Variants in UNC5C observed in about 807,000 individuals in gnomAD.
The protein encoded by UNC5C is unc-5 netrin receptor C, also known as netrin receptor UNC5C.
A neutral mutation model predicts 99.8 loss-of-function variants in UNC5C; 47 were observed. The ratio of observed to expected loss-of-function variants is 0.47; its 90% CI spans 0.37 to 0.60. UNC5C has a LOEUF of 0.60. Among genes scored for constraint, UNC5C ranks in the 20% least tolerant of loss-of-function variants. The pLI is 0.00. For missense variants in UNC5C, 1,062 were observed against 1,165.9 expected, an observed-to-expected ratio of 0.91 and a Z score of 1.30; for synonymous variants, 487 against 452.2, an observed-to-expected ratio of 1.08 and a Z score of -0.98.
At chr4:95,240,881 T>A (rs1440765802) in intron 7 of UNC5C, among the ~76,000 whole-genome samples, 2 of 152,168 alleles carry the variant, frequency 1.3e-5, no homozygotes, top group East Asian at 3.9e-4. Context: ...AATAAAAGGT[T>A]CTGTCTCGTG....
At chr4:95,434,479 G>A (rs1474017121) in intron 1 of UNC5C, among the ~76,000 whole-genome samples, 4 of 151,944 alleles carry the variant, frequency 2.6e-5, no homozygotes, top group Non-Finnish European at 5.9e-5. Flanking sequence ...AGGAAAAGAC[G>A]GACTTGCCAT....
At position 95,288,098 on chromosome 4, in the gene UNC5C, T is replaced by TTTATTTATTTA. The variant is rs1474255872; in HGVS notation, c.491-9737_491-9736insTAAATAAATAA. Among the ~76,000 whole-genome samples the TTTATTTATTTA allele has an allele frequency of 1.9e-3, 70 of 37,366 alleles. 1 individual carries two copies. The highest frequency in any genetic ancestry group is 0.014 in the South Asian group (21 of 1,510). The allele number at this position is 37,366 out of a possible 152,430, so 24.5% of individuals were successfully genotyped here. On this transcript the variant is annotated intron_variant, in intron 3 of 15. Coordinates refer to ENST00000453304, the MANE Select transcript of UNC5C (RefSeq NM_003728.4). ...TATTTATTTATTTATTTATTTATTT[T>TTTATTTATTTA]TTGAGAGGGAGTCTCGCTCTGTCAC...
chr4:95,318,694 C>T (rs1273398627), intron 2 of UNC5C, among the ~76,000 whole-genome samples: 3 of 152,160 alleles, frequency 2.0e-5, no homozygotes, highest in Non-Finnish European at 4.4e-5. Flanking sequence ...GCCTGCCATT[C>T]CTGGACTTGC....
intron 1 of UNC5C, among the ~76,000 whole-genome samples, chr4:95,488,004 C>T (rs1053388732): frequency 4.0e-4 from 61 of 151,782 alleles, no homozygotes; most frequent in Admixed American, 4.0e-3. Context: ...CAAAACTTTT[C>T]GGATGTTTTG....
chr4:95,245,468 T>C (rs1290417075), intron 5 of UNC5C, among the ~76,000 whole-genome samples: 1 of 152,204 alleles, frequency 6.6e-6, no homozygotes, highest in Non-Finnish European at 1.5e-5. Flanking sequence ...AAATTACTTT[T>C]GACAGCTCGT....
At chr4:95,186,104 A>ACTAT (rs575234372) in intron 12 of UNC5C, among the ~76,000 whole-genome samples, 37 of 152,038 alleles carry the variant, frequency 2.4e-4, no homozygotes, top group African/African-American at 6.0e-4. Flanking sequence ...CAATGAACAA[A>ACTAT]CTATCTTGGG....
At chr4:95,504,182 G>C (rs1372020125) in intron 1 of UNC5C, among the ~76,000 whole-genome samples, 1 of 152,034 alleles carries the variant, frequency 6.6e-6, no homozygotes, top group African/African-American at 2.4e-5. Context: ...GGTAATATAA[G>C]ATGGCACTTC....
chr4:95,333,646 C>T (rs2149420053), intron 2 of UNC5C, among the ~76,000 whole-genome samples: 1 of 152,132 alleles, frequency 6.6e-6, no homozygotes, highest in African/African-American at 2.4e-5. Context: ...GGGTGCAGCA[C>T]ACCAACATGG....
intron 7 of UNC5C, among the ~76,000 whole-genome samples, chr4:95,222,851 C>T (rs1044254845): frequency 1.3e-5 from 2 of 151,876 alleles, no homozygotes; most frequent in Admixed American, 6.6e-5. Flanking sequence ...AATAGGAGTT[C>T]GATAGGTTTT....
intron 1 of UNC5C, among the ~76,000 whole-genome samples, chr4:95,478,902 G>C (rs554122101): frequency 5.9e-5 from 9 of 151,756 alleles, no homozygotes; most frequent in Non-Finnish European, 1.3e-4. Context: ...CCATTAGTTC[G>C]TGTGAGAACT....
Position 95,301,869 on chromosome 4 carries a change from T to C in UNC5C, c.347-120A>G, listed in dbSNP as rs1579308531. The C allele has an allele frequency of 2.2e-5, 27 of 1,251,996 alleles. No homozygotes were observed. In the East Asian group the frequency reaches 6.9e-4, roughly 32 times the overall value. 77.6% of individuals were successfully genotyped at this position (1,251,996 alleles called of 1,614,324 possible). A position where few individuals can be genotyped will look rare whatever the true frequency, so the allele number is the denominator to read the frequency against. ...TGATGCCATAGATCAACAACCCAGATATTGTCTCTCATCTCTTTTGACTTT... is the reference window on the plus strand; with the variant it reads ...TGATGCCATAGATCAACAACCCAGACATTGTCTCTCATCTCTTTTGACTTT... On this transcript the variant is annotated intron_variant, in intron 2 of 15. Transcript: ENST00000453304.
At chr4:95,314,107 T>G (rs1409175717) in intron 2 of UNC5C, among the ~76,000 whole-genome samples, 1 of 152,160 alleles carries the variant, frequency 6.6e-6, no homozygotes, top group Non-Finnish European at 1.5e-5. Context: ...AAATTATCAT[T>G]TGAGGTACTA....
At chr4:95,331,567 T>C (rs938734972) in intron 2 of UNC5C, among the ~76,000 whole-genome samples, 1 of 152,138 alleles carries the variant, frequency 6.6e-6, no homozygotes, top group Admixed American at 6.6e-5. Flanking sequence ...TATTACTCCA[T>C]TCCTGAATCT....
At chr4:95,468,502 G>A (rs769943577) in intron 1 of UNC5C, among the ~76,000 whole-genome samples, 5 of 152,048 alleles carry the variant, frequency 3.3e-5, no homozygotes, top group Non-Finnish European at 5.9e-5. Context: ...TCCTTGATTA[G>A]CTCTGTCATA....
chr4:95,515,997 A>T (rs1417634151), intron 1 of UNC5C, among the ~76,000 whole-genome samples: 1 of 152,236 alleles, frequency 6.6e-6, no homozygotes, highest in East Asian at 1.9e-4. Context: ...ATTAAATTTC[A>T]TATAAAAACG....
rs954406865 is a variant in UNC5C at position 95,509,031 on chromosome 4, A to T, written c.124+39703T>A. Reference sequence around the variant, plus strand: ...TACATAATGCTGAATTTCAAAAATGAGTTTAAGTAAATCTGGGAGAATTGA... The same window carrying T: ...TACATAATGCTGAATTTCAAAAATGTGTTTAAGTAAATCTGGGAGAATTGA... On this transcript the variant is annotated intron_variant, in intron 1 of 15. Coordinates refer to ENST00000453304, the MANE Select transcript of UNC5C (RefSeq NM_003728.4). Among the ~76,000 whole-genome samples, 3 of 152,056 alleles carry T rather than the reference A, an allele frequency of 2.0e-5. No homozygotes were observed. In the East Asian group the frequency reaches 5.8e-4, roughly 29 times the overall value.
intron 1 of UNC5C, among the ~76,000 whole-genome samples, chr4:95,542,622 C>T (rs7685392): frequency 0.42 from 64,113 of 151,970 alleles, 14,763 homozygotes; most frequent in Middle Eastern, 0.61. Context: ...TGGGGAGCAG[C>T]AATGCTCAAA....
At chr4:95,298,794 T>C (rs556846477) in intron 3 of UNC5C, among the ~76,000 whole-genome samples, 4 of 152,266 alleles carry the variant, frequency 2.6e-5, no homozygotes, top group South Asian at 4.2e-4. Flanking sequence ...ATACCCACAA[T>C]TGTCCCAAGA....
In UNC5C at chr4:95,424,518, CTTTTTTTTTTT is replaced by C. The variant is rs536039867; in HGVS notation, c.125-88898_125-88888del. On this transcript the variant is annotated intron_variant, in intron 1 of 15. Coordinates refer to ENST00000453304, the MANE Select transcript of UNC5C (RefSeq NM_003728.4). ...GGCTTCAGAATTTTTTTTTTCTTTT[CTTTTTTTTTTT>C]TTTTTTTTTTGAGACAGCTTCTTGC... is the stretch of plus-strand genomic sequence containing the variant. Among the ~76,000 whole-genome samples, 10 of 67,962 alleles carry C rather than the reference CTTTTTTTTTTT, an allele frequency of 1.5e-4. No individual in the cohort carries two copies. In the East Asian group the frequency reaches 4.0e-3, roughly 27 times the overall value. 44.6% of individuals were successfully genotyped at this position (67,962 alleles called of 152,430 possible).
Sources: gnomAD v4.1 joint callset for allele counts (sites outside exome capture counted in the v4.1 genomes callset) on GRCh38, gnomAD v4.1.1 for gene constraint, MANE v1.5 for transcripts, NCBI Gene and HGNC (gene_info 2026-07-23, HGNC 2026-07-21) for gene names.